PRODH2: variants seen among roughly 807,000 people sequenced by gnomAD.
The protein encoded by PRODH2 is hydroxyproline dehydrogenase.
A neutral mutation model predicts 51.9 loss-of-function variants in PRODH2; 49 were observed. That is an observed-to-expected ratio of 0.94 (90% CI 0.75 to 1.20). The LOEUF (loss-of-function observed/expected upper bound fraction) is 1.20. PRODH2 is among the 50% of genes most tolerant of loss of function. PRODH2 has a pLI of 0.00. For missense variants in PRODH2, 597 were observed against 610.9 expected (o/e 0.98, Z 0.24); for synonymous variants, 249 against 260.7 (o/e 0.96, Z 0.43).
Position 35,807,398 on chromosome 19 carries a change from G to A in PRODH2, c.598-277C>T, listed in dbSNP as rs1457702069. 2.0e-5 allele frequency among the ~76,000 whole-genome samples: 3 copies of A among 152,142 alleles called. No homozygotes were observed. In the East Asian group the frequency reaches 5.8e-4, roughly 29 times the overall value. On this transcript the variant is annotated intron_variant, in intron 4 of 9. Coordinates refer to ENST00000653904, the MANE Select transcript of PRODH2 (RefSeq NM_021232.2). ...GCTCACTGCAACCTCTGCCTCCTGG[G>A]TTCAAGTGATTCTCCTGCTTCAGCC... is the stretch of plus-strand genomic sequence containing the variant.
At chr19:35,807,604 T>G (rs1189663272) in intron 4 of PRODH2, among the ~76,000 whole-genome samples, 2 of 152,054 alleles carry the variant, frequency 1.3e-5, no homozygotes, top group Non-Finnish European at 2.9e-5. Flanking sequence ...TGCTCAGCCC[T>G]CCCTGCTACT....
chr19:35,803,523 G>A (rs1381269956), intron 7 of PRODH2, among the ~76,000 whole-genome samples: 1 of 152,222 alleles, frequency 6.6e-6, no homozygotes, highest in African/African-American at 2.4e-5. Flanking sequence ...CCAGAGTGCT[G>A]GGATTACAGG....
chr19:35,806,839 G>T lies in PRODH2; in HGVS notation c.679-9C>A. Reference sequence around the variant, plus strand: ...TGCTGGGCCCGGGCATACTGATGGCGACAGAGACGACGGTCAGGGCCCCGG... The same window carrying T: ...TGCTGGGCCCGGGCATACTGATGGCTACAGAGACGACGGTCAGGGCCCCGG... On this transcript the variant is annotated splice_polypyrimidine_tract_variant and intron_variant, in intron 5 of 9. Transcript: ENST00000653904. The T allele has an allele frequency of 1.3e-6, 2 of 1,588,654 alleles. No individual in the cohort carries two copies. Among genetic ancestry groups the T allele is most frequent in the Middle Eastern group, 1.9e-4 (1 of 5,222 alleles).
rs142504449 is a variant in PRODH2, at chr19:35,803,557, A to G, written c.1002-479T>C. On this transcript the variant is annotated intron_variant, in intron 7 of 9. Transcript: ENST00000653904. The stretch of plus-strand genomic sequence containing the variant: ...GGCGTGAGCCACCGCACCCGGCCCC[A>G]TGTTAATCTCTTGTCACTGTGAGTT... Among the ~76,000 whole-genome samples the G allele has an allele frequency of 4.5e-3, 685 of 152,264 alleles. 6 individuals carry two copies. The highest frequency in any genetic ancestry group is 0.016 in the African/African-American group (666 of 41,570).
Position 35,812,265 on chromosome 19 carries a change from A to G in PRODH2, c.379T>C (p.Trp127Arg). The G allele has an allele frequency of 6.2e-7, 1 of 1,613,136 alleles. No homozygotes were observed. The change falls in exon 3 of 10, where the codon TGG becomes CGG. Residue 127 changes from tryptophan (W) to arginine (R), a missense_variant. Transcript: ENST00000653904. ...PDSAAKSGEA[W>R]YEGNLGAMLR... ...ATAGCACCGAGGTTCCCCTCATACC[A>G]CGCCTCACTGCCCAGCCAGCAGGTG...
chr19:35,812,235 G>A lies in PRODH2; in HGVS notation c.409C>T (p.Arg137Trp), dbSNP rs772529059. The A allele has an allele frequency of 4.3e-6, 7 of 1,613,724 alleles. No homozygotes were observed. The highest frequency in any genetic ancestry group is 3.3e-5 in the South Asian group (3 of 91,086). The part of the protein sequence containing the change: ...WYEGNLGAML[R>W]CVDLSRGLLE... ...AGGCCCCGTGACAGGTCCACACACC[G>A]CAGCATAGCACCGAGGTTCCCCTCA... The change falls in exon 3 of 10, where the codon CGG becomes TGG. Residue 137 changes from arginine (R) to tryptophan (W), a missense_variant. Physicochemically the swap from Arg to Trp is moderately radical, Grantham distance 101 (BLOSUM62 -3). Coordinates refer to ENST00000653904, the MANE Select transcript of PRODH2 (RefSeq NM_021232.2).
Position 35,812,759 on chromosome 19 carries a change from G to A in PRODH2, c.47C>T (p.Ser16Phe). The change falls in exon 1 of 10, where the codon TCC (serine) becomes TTC (phenylalanine). Residue 16 changes from serine to phenylalanine, a missense_variant. Coordinates refer to ENST00000653904, the MANE Select transcript of PRODH2 (RefSeq NM_021232.2). ...AAAGCTCAGGGACTGCCAGCCCCTG[G>A]AGGGGGGACCAGCTTGGGAACAGAG... Reference protein sequence around the residue: ...YVLCSQAGPPSRGWQSLSFDG... With the variant: ...YVLCSQAGPPFRGWQSLSFDG... 1.9e-6 allele frequency: 3 copies of A among 1,609,648 alleles called. No individual in the cohort carries two copies. Among genetic ancestry groups the A allele is most frequent in the Non-Finnish European group, 2.5e-6 (3 of 1,177,206 alleles).
intron 7 of PRODH2, among the ~76,000 whole-genome samples, chr19:35,803,980 C>T (rs1241204124): frequency 2.0e-5 from 3 of 152,162 alleles, no homozygotes; most frequent in African/African-American, 7.2e-5. Flanking sequence ...CTTCTCTGCC[C>T]CTCAGGAAGC....
chr19:35,803,798 A>G (rs1197441682), intron 7 of PRODH2, among the ~76,000 whole-genome samples: 1 of 152,232 alleles, frequency 6.6e-6, no homozygotes, highest in African/African-American at 2.4e-5. Flanking sequence ...CAGAGAAGAT[A>G]GTGCTCTATC....
Position 35,806,436 on chromosome 19 carries a change from C to T in PRODH2, c.995G>A (p.Ser332Asn). 1 of 1,614,116 alleles carries T rather than the reference C, an allele frequency of 6.2e-7. No homozygotes were observed. The highest frequency in any genetic ancestry group is 8.5e-7 in the Non-Finnish European group (1 of 1,180,022). Residue 332 changes from serine (S) to asparagine (N), a missense_variant, in exon 7 of 10, where the codon AGT becomes AAT. Ser to Asn is a conservative substitution (Grantham distance 46). Coordinates refer to ENST00000653904, the MANE Select transcript of PRODH2 (RefSeq NM_021232.2). ...DPTQPDYEAT[S>N]QSYSRCLELM... ...CCAGCTGGCCCGGGCCTACCTCTGACTGGTGGCCTCATAGTCAGGCTGAGT... is the reference window on the plus strand; with the variant it reads ...CCAGCTGGCCCGGGCCTACCTCTGATTGGTGGCCTCATAGTCAGGCTGAGT...
chr19:35,802,202 G>C lies in PRODH2; in HGVS notation c.1187C>G (p.Ser396Cys), dbSNP rs752072538. ...AGCCATTCACATACCCAGTGCTAGA[G>C]AGACGTGGTCACACATGCCCAGAAG... ...GQLLGMCDHV[S>C]LALGQAGYVV... is the part of the protein sequence containing the mutation. The change falls in exon 9 of 10, where the codon TCT becomes TGT. Residue 396 changes from serine (S) to cysteine (C), a missense_variant. Coordinates refer to ENST00000653904, the MANE Select transcript of PRODH2 (RefSeq NM_021232.2). 5 of 1,613,982 alleles carry C rather than the reference G, an allele frequency of 3.1e-6. No homozygotes were observed. In the Admixed American group the frequency reaches 8.3e-5, roughly 27 times the overall value.
chr19:35,804,961 A>G lies in PRODH2; in HGVS notation c.1001+1469T>C, dbSNP rs555272557. 6.6e-5 allele frequency among the ~76,000 whole-genome samples: 10 copies of G among 152,238 alleles called. No homozygotes were observed. In the East Asian group the frequency reaches 1.7e-3, roughly 26 times the overall value. On this transcript the variant is annotated intron_variant, in intron 7 of 9. Coordinates refer to ENST00000653904, the MANE Select transcript of PRODH2 (RefSeq NM_021232.2). ...AAAAATAACTTAAAAAACAAATGAAAAAAGCCAAATATACAAGGGCACATA... is the reference window on the plus strand; with the variant it reads ...AAAAATAACTTAAAAAACAAATGAAGAAAGCCAAATATACAAGGGCACATA...
chr19:35,803,112 G>A, intron 7 of PRODH2, 34 bp from the exon 8 acceptor site: 3 of 1,462,902 alleles, frequency 2.1e-6, no homozygotes, highest in Non-Finnish European at 2.8e-6. Context: ...CTCACCTGGT[G>A]AGCGAGGGTC....
chr19:35,807,018 C>T (rs1216183218), intron 5 of PRODH2, 23 bp downstream of exon 5: 9 of 1,548,738 alleles, frequency 5.8e-6, no homozygotes, highest in Non-Finnish European at 7.9e-6. Context: ...CCCGGAGGTG[C>T]TGGTTCCAGC....
chr19:35,811,548 G>A (rs750856243), intron 4 of PRODH2, among the ~76,000 whole-genome samples: 2 of 150,856 alleles, frequency 1.3e-5, no homozygotes, highest in Non-Finnish European at 3.0e-5. Flanking sequence ...AGGAGAGAGA[G>A]AGAAAGAAAG....
In PRODH2 at chr19:35,812,275, G is replaced by A. The variant is rs199923111; in HGVS notation, c.372-3C>T. On this transcript the variant is annotated splice_polypyrimidine_tract_variant and splice_region_variant and intron_variant, in intron 2 of 9. Coordinates refer to ENST00000653904, the MANE Select transcript of PRODH2 (RefSeq NM_021232.2). ...GGTTCCCCTCATACCACGCCTCACT[G>A]CCCAGCCAGCAGGTGTCAGGGCCCG... The A allele has an allele frequency of 9.9e-6, 16 of 1,613,086 alleles. 1 individual carries two copies. In the Middle Eastern group the frequency reaches 6.6e-4, roughly 67 times the overall value.
At chr19:35,807,967 G>T (rs1207997762) in intron 4 of PRODH2, among the ~76,000 whole-genome samples, 1 of 151,992 alleles carries the variant, frequency 6.6e-6, no homozygotes, top group African/African-American at 2.4e-5. Flanking sequence ...TAGAGTCAAG[G>T]TCTTCCTATG....
chr19:35,802,712 C>T (rs183422717), intron 8 of PRODH2, among the ~76,000 whole-genome samples: 190 of 151,964 alleles, frequency 1.3e-3, no homozygotes, highest in Non-Finnish European at 2.2e-3. Flanking sequence ...TGCGCCACCA[C>T]ACCCAGCTGT....
intron 4 of PRODH2, among the ~76,000 whole-genome samples, chr19:35,808,541 TG>T (rs1972549027): frequency 6.6e-6 from 1 of 152,096 alleles, no homozygotes. Flanking sequence ...CTGCTTGACT[TG>T]GGGCGTAGTC....
Sources: allele counts gnomAD v4.1 joint callset (sites outside exome capture counted in the v4.1 genomes callset), GRCh38; gene constraint gnomAD v4.1.1; transcripts MANE v1.5; gene names NCBI Gene and HGNC (gene_info 2026-07-23, HGNC 2026-07-21).